CADPS: variants seen among roughly 807,000 people sequenced by gnomAD.
CADPS encodes calcium dependent secretion activator, also known as calcium-dependent secretion activator 1.
Under a neutral mutation model 167.3 loss-of-function variants are expected in CADPS, and 57 were observed. The observed-to-expected ratio is 0.34, with a 90% confidence interval of 0.28 to 0.42. The LOEUF is 0.42. Among genes scored for constraint, CADPS ranks in the 20% least tolerant of loss-of-function variants. CADPS has a pLI of 1.00. For synonymous variants in CADPS, 676 were observed against 635.3 expected, an observed-to-expected ratio of 1.06 and a Z score of -0.96; for missense variants, 1,414 against 1,738.1, an observed-to-expected ratio of 0.81 and a Z score of 3.32.
At chr3:62,599,827 TA>T (rs1169241411) in intron 6 of CADPS, among the ~76,000 whole-genome samples, 1,335 of 4,794 alleles carry the variant, frequency 0.28, 122 homozygotes, top group African/African-American at 0.35. Flanking sequence ...TTATATATTA[TA>T]TATATAATAT....
intron 3 of CADPS, among the ~76,000 whole-genome samples, chr3:62,719,427 G>C (rs1473234622): frequency 6.6e-6 from 1 of 152,194 alleles, no homozygotes; most frequent in African/African-American, 2.4e-5. Flanking sequence ...GACTATATCA[G>C]ATTCCGTCAC....
At chr3:62,483,079 C>T (rs2062248611) in intron 21 of CADPS, among the ~76,000 whole-genome samples, 1 of 151,926 alleles carries the variant, frequency 6.6e-6, no homozygotes, top group Non-Finnish European at 1.5e-5. Flanking sequence ...TTCCATCCAG[C>T]CAAAGTCACT....
At chr3:62,849,557 GT>G (rs2078144704) in intron 1 of CADPS, among the ~76,000 whole-genome samples, 5 of 122,546 alleles carry the variant, frequency 4.1e-5, no homozygotes, top group African/African-American at 1.5e-4. Flanking sequence ...GTCTTTGGCT[GT>G]GTTTATATGC....
intron 6 of CADPS, among the ~76,000 whole-genome samples, chr3:62,617,778 A>C (rs2062557495): frequency 6.6e-6 from 1 of 152,198 alleles, no homozygotes; most frequent in African/African-American, 2.4e-5. Flanking sequence ...AGGTTGCTGA[A>C]GAAAGGGTAG....
intron 6 of CADPS, among the ~76,000 whole-genome samples, chr3:62,607,310 A>G (rs977761138): frequency 2.0e-5 from 3 of 152,216 alleles, no homozygotes; most frequent in Admixed American, 1.3e-4. Flanking sequence ...AGGCCTGGCT[A>G]TGCTGGCCAA....
chr3:62,678,724 G>GAGCTCAAGTGATCTGCC (rs2076683598), intron 3 of CADPS, among the ~76,000 whole-genome samples: 1 of 151,568 alleles, frequency 6.6e-6, no homozygotes, highest in African/African-American at 2.4e-5. Flanking sequence ...GAACAAAACT[G>GAGCTCAAGTGATCTGCC]CAAAAGAGAA....
rs578092047 is a variant in CADPS, at chr3:62,831,209, A to G, written c.441+43380T>C. Among the ~76,000 whole-genome samples, 49 of 152,334 alleles carry G rather than the reference A, an allele frequency of 3.2e-4. 2 individuals are homozygous for G. The South Asian group carries it at 9.5e-3, about 30-fold the overall frequency. ...TGCTGTATGCCAGTTGCTGTGCAAC[A>G]CTTTACATATACTTAATCTCATGAA... On this transcript the variant is annotated intron_variant, in intron 1 of 29. Transcript: ENST00000383710.
At chr3:62,645,133 A>G (rs2068260708) in intron 6 of CADPS, among the ~76,000 whole-genome samples, 1 of 152,220 alleles carries the variant, frequency 6.6e-6, no homozygotes, top group East Asian at 1.9e-4. Flanking sequence ...CTCACTAATA[A>G]GTGGGACCAA....
chr3:62,831,119 A>C (rs888519865), intron 1 of CADPS, among the ~76,000 whole-genome samples: 3 of 152,212 alleles, frequency 2.0e-5, no homozygotes, highest in Admixed American at 6.5e-5. Context: ...AGTCCTGGGA[A>C]GTCTTAAAAC....
intron 17 of CADPS, among the ~76,000 whole-genome samples, chr3:62,506,275 C>A (rs1414119941): frequency 6.6e-6 from 1 of 152,066 alleles, no homozygotes; most frequent in Non-Finnish European, 1.5e-5. Flanking sequence ...GTATTCCCAG[C>A]TACTCAGGAG....
At chr3:62,658,177 T>C (rs1319448536) in intron 4 of CADPS, among the ~76,000 whole-genome samples, 1 of 152,204 alleles carries the variant, frequency 6.6e-6, no homozygotes, top group African/African-American at 2.4e-5. Context: ...TGCATAGTAG[T>C]TGTGTGCACT....
intron 3 of CADPS, among the ~76,000 whole-genome samples, chr3:62,710,076 G>A (rs533303177): frequency 5.0e-4 from 76 of 152,066 alleles, no homozygotes; most frequent in African/African-American, 1.8e-3. Context: ...CAGGTTCTAT[G>A]TTAATATCTA....
chr3:62,490,867 C>A (rs1419325107), intron 21 of CADPS, among the ~76,000 whole-genome samples: 1 of 152,152 alleles, frequency 6.6e-6, no homozygotes, highest in Non-Finnish European at 1.5e-5. Context: ...TGACTGCTTT[C>A]ATGCTACAAT....
intron 28 of CADPS, among the ~76,000 whole-genome samples, chr3:62,410,405 T>C (rs2048738118): frequency 6.6e-6 from 1 of 152,246 alleles, no homozygotes; most frequent in Admixed American, 6.5e-5. Context: ...AACAGTGCTG[T>C]GGCTGAATCT....
chr3:62,578,711 G>A (rs965711209), intron 8 of CADPS, among the ~76,000 whole-genome samples: 1 of 151,810 alleles, frequency 6.6e-6, no homozygotes, highest in East Asian at 1.9e-4. Flanking sequence ...GAACTACAAG[G>A]AGAAACAAAT....
chr3:62,636,402 C>T (rs2066310274), intron 6 of CADPS, among the ~76,000 whole-genome samples: 1 of 152,180 alleles, frequency 6.6e-6, no homozygotes, highest in East Asian at 1.9e-4. Context: ...ATAGCTGCCT[C>T]ATCCCAAACC....
At chr3:62,683,771 C>A (rs1451445762) in intron 3 of CADPS, among the ~76,000 whole-genome samples, 1 of 151,960 alleles carries the variant, frequency 6.6e-6, no homozygotes, top group Non-Finnish European at 1.5e-5. Flanking sequence ...CATTTGATGA[C>A]CTTGACAGTT....
rs2083278203 is a variant in CADPS, at chr3:62,874,453, T to A, written c.441+136A>T. 1 of 670,186 alleles carries A rather than the reference T, an allele frequency of 1.5e-6. No homozygotes were observed. The highest frequency in any genetic ancestry group is 2.5e-6 in the Non-Finnish European group (1 of 400,094). The allele number at this position is 670,186 out of a possible 1,614,324, so 41.5% of individuals were successfully genotyped here. A position where few individuals can be genotyped will look rare whatever the true frequency, so the allele number is the denominator to read the frequency against. ...CGAGCCCGGCCGCTGGGAGGGGGCC[T>A]CGTAGCCCTTTCCCCAGGGCGCGGT... On this transcript the variant is annotated intron_variant, in intron 1 of 29. Coordinates refer to ENST00000383710, the MANE Select transcript of CADPS (RefSeq NM_003716.4). This position sits in a 1 kb window ranked among gnomAD's most constrained non-coding sequence, Gnocchi z 7.1.
chr3:62,521,903 G>T (rs989150044), intron 13 of CADPS, among the ~76,000 whole-genome samples: 1 of 152,102 alleles, frequency 6.6e-6, no homozygotes, highest in Non-Finnish European at 1.5e-5. Context: ...ATCTAAGCTG[G>T]ACTATGACCT....
Sources: gnomAD v4.1 joint callset for allele counts (sites outside exome capture counted in the v4.1 genomes callset) on GRCh38, gnomAD v4.1.1 for gene constraint, Gnocchi (gnomAD v3.1) non-coding constraint, MANE v1.5 for transcripts, NCBI Gene and HGNC (gene_info 2026-07-23, HGNC 2026-07-21) for gene names.